RPH3AL: variants seen among roughly 807,000 people sequenced by gnomAD.
RPH3AL encodes rabphilin 3A like (without C2 domains), also known as rab effector Noc2.
Under a neutral mutation model 43.1 loss-of-function variants are expected in RPH3AL, and 38 were observed. The observed-to-expected ratio is 0.88, with a 90% CI of 0.68 to 1.15. The LOEUF (loss-of-function observed/expected upper bound fraction) is 1.15. Among genes scored for constraint, RPH3AL ranks in the 50% most tolerant of loss-of-function variants. RPH3AL has a pLI of 0.00. For missense variants in RPH3AL, 462 were observed against 423.2 expected, an observed-to-expected ratio of 1.09 and a Z score of -0.81; for synonymous variants, 189 against 176.3, an observed-to-expected ratio of 1.07 and a Z score of -0.57.
intron 3 of RPH3AL, among the ~76,000 whole-genome samples, chr17:324,690 T>G (rs12936230): frequency 0.33 from 49,584 of 149,676 alleles, 9,182 homozygotes; most frequent in Non-Finnish European, 0.44. Context: ...TTTCTATCTA[T>G]CTAGCTAGCT....
chr17:227,931 G>C (rs79751182), intron 7 of RPH3AL, among the ~76,000 whole-genome samples: 5 of 152,222 alleles, frequency 3.3e-5, no homozygotes, highest in Admixed American at 3.3e-4. Flanking sequence ...TGGGAGTGTA[G>C]ACACTCCCAA....
intron 1 of RPH3AL, among the ~76,000 whole-genome samples, chr17:336,492 G>A (rs1180123812): frequency 6.6e-6 from 1 of 152,132 alleles, no homozygotes; most frequent in Admixed American, 6.5e-5. Flanking sequence ...AGGTCTGCCT[G>A]CTCGGGGCGG....
intron 6 of RPH3AL, among the ~76,000 whole-genome samples, chr17:249,171 G>T (rs562913219): frequency 6.6e-6 from 1 of 152,182 alleles, no homozygotes; most frequent in Admixed American, 6.5e-5. Context: ...ATAAATTCAG[G>T]GTATTTAGTC....
chr17:346,270 A>G lies in RPH3AL; in HGVS notation c.-213+6442T>C, dbSNP rs1458957363. 3.0e-5 allele frequency among the ~76,000 whole-genome samples: 4 copies of G among 134,806 alleles called. 1 individual carries two copies. The highest frequency in any genetic ancestry group is 5.1e-5 in the Non-Finnish European group (3 of 59,268). 88.4% of individuals were successfully genotyped at this position (134,806 alleles called of 152,430 possible). ...ATAGTACTCTTTGCTAGACAGAACTATGTGTGTTTGGGGCCTTTTCCCGTC... is the reference window on the plus strand; with the variant it reads ...ATAGTACTCTTTGCTAGACAGAACTGTGTGTGTTTGGGGCCTTTTCCCGTC... On this transcript the variant is annotated intron_variant, in intron 1 of 9. Transcript: ENST00000331302.
intron 5 of RPH3AL, among the ~76,000 whole-genome samples, chr17:315,405 C>G (rs1225712261): frequency 3.9e-4 from 57 of 147,316 alleles, no homozygotes; most frequent in African/African-American, 1.3e-3. Flanking sequence ...CCTGTAGTCC[C>G]TGTGCCCCCA....
chr17:348,022 T>C (rs2045274747), intron 1 of RPH3AL, among the ~76,000 whole-genome samples: 2 of 146,288 alleles, frequency 1.4e-5, no homozygotes, highest in Non-Finnish European at 3.0e-5. Context: ...AAAAATTAAA[T>C]TAATTAAAAG....
chr17:276,484 C>T (rs548817267), intron 6 of RPH3AL, among the ~76,000 whole-genome samples: 14 of 152,218 alleles, frequency 9.2e-5, no homozygotes, highest in Admixed American at 2.0e-4. Flanking sequence ...CTCCACCCCC[C>T]GGGCAGAAGT....
rs949837820 is a variant in RPH3AL, at chr17:333,085, A to G, written c.-37+674T>C. The G allele has an allele frequency of 3.7e-5, 48 of 1,287,626 alleles. No individual in the cohort carries two copies. The African/African-American group carries it at 6.2e-4, about 17-fold the overall frequency. The allele number at this position is 1,287,626 out of a possible 1,614,324, so 79.8% of individuals were successfully genotyped here. ...ATGCAATTCTCTCTCTAAAGTCGAG[A>G]GCTCACCACCCCGGGCGTTCGTCAC... On this transcript the variant is annotated intron_variant, in intron 2 of 9. Transcript: ENST00000331302. This position sits in a 1 kb window ranked among gnomAD's most constrained non-coding sequence, Gnocchi z 4.5.
In RPH3AL at chr17:298,202, G is replaced by A. The variant is rs1007083666; in HGVS notation, c.352-16348C>T. ...ACCACCCAGCCAAAGTCAGGAGACC[G>A]TCCACGTCCTCCAGCTCTGCCCCCA... On this transcript the variant is annotated intron_variant, in intron 5 of 9. Coordinates refer to ENST00000331302, the MANE Select transcript of RPH3AL (RefSeq NM_006987.4). Among the ~76,000 whole-genome samples the A allele has an allele frequency of 2.6e-4, 39 of 152,268 alleles. 1 individual carries two copies. The highest frequency in any genetic ancestry group is 2.1e-3 in the South Asian group (10 of 4,826).
chr17:339,563 C>T (rs562427011), intron 1 of RPH3AL: 8 of 152,378 alleles, frequency 5.3e-5, no homozygotes, highest in Non-Finnish European at 1.0e-4. Context: ...CCCCAGAGGA[C>T]GACGTGATCA....
At chr17:288,935 C>G (rs72806028) in intron 5 of RPH3AL, among the ~76,000 whole-genome samples, 5,953 of 148,112 alleles carry the variant, frequency 0.04, 334 homozygotes, top group Non-Finnish European at 0.063. Flanking sequence ...TCCCGGCCGT[C>G]AGACCTCGCA....
At chr17:314,526 G>A (rs1464031982) in intron 5 of RPH3AL, among the ~76,000 whole-genome samples, 229 of 121,354 alleles carry the variant, frequency 1.9e-3, no homozygotes, top group African/African-American at 7.4e-3. Flanking sequence ...TGTAGTCCCT[G>A]TGACTCCACC....
chr17:351,017 G>C (rs369966176), intron 1 of RPH3AL, among the ~76,000 whole-genome samples: 2 of 152,222 alleles, frequency 1.3e-5, no homozygotes, highest in East Asian at 3.9e-4. Context: ...GCCCAGCCAG[G>C]AGAAGATGCT....
At chr17:269,371 G>A (rs7504058) in intron 6 of RPH3AL, among the ~76,000 whole-genome samples, 46,646 of 151,910 alleles carry the variant, frequency 0.31, 7,688 homozygotes, top group South Asian at 0.49. Context: ...ATGTTTCATC[G>A]TCTGTTCCCC....
intron 5 of RPH3AL, among the ~76,000 whole-genome samples, chr17:285,697 C>A (rs2042890125): frequency 1.3e-5 from 2 of 152,198 alleles, no homozygotes; most frequent in African/African-American, 4.8e-5. Context: ...CAGAGAAATA[C>A]ATTTTCATCC....
chr17:258,755 CCGTT>C (rs1453989213), intron 6 of RPH3AL, among the ~76,000 whole-genome samples: 9 of 127,424 alleles, frequency 7.1e-5, no homozygotes, highest in Admixed American at 1.6e-4. Flanking sequence ...GATAGTCAAC[CCGTT>C]TTTTTTTTTT....
intron 1 of RPH3AL, among the ~76,000 whole-genome samples, chr17:340,158 G>A (rs1273281000): frequency 6.6e-6 from 1 of 151,868 alleles, no homozygotes; most frequent in African/African-American, 2.4e-5. Context: ...AGGCTCCCCA[G>A]CTCAGACCCG....
intron 6 of RPH3AL, among the ~76,000 whole-genome samples, chr17:275,161 C>T (rs1259683388): frequency 1.3e-5 from 2 of 151,302 alleles, no homozygotes; most frequent in African/African-American, 4.9e-5. Context: ...GGCCTAAAAT[C>T]TGCAGAAACT....
Position 247,169 on chromosome 17 carries a change from T to C in RPH3AL, c.555A>G (p.Ala185=). 6.2e-7 allele frequency: 1 copy of C among 1,614,130 alleles called. No individual in the cohort carries two copies. The highest frequency in any genetic ancestry group is 1.7e-5 in the Admixed American group (1 of 60,022). Residue 185 remains alanine, a synonymous_variant, in exon 7 of 10, where the codon GCA becomes GCG. Coordinates refer to ENST00000331302, the MANE Select transcript of RPH3AL (RefSeq NM_006987.4). The part of the protein sequence containing the change: ...PHFRPLPTEP[A]EREPRSSETS... ...TCTCAGAGCTTCTGGGCTCTCGCTCTGCCGGTTCCGTGGGCAAAGGTCGGA... is the reference window on the plus strand; with the variant it reads ...TCTCAGAGCTTCTGGGCTCTCGCTCCGCCGGTTCCGTGGGCAAAGGTCGGA...
Sources: gnomAD v4.1 joint callset for allele counts (sites outside exome capture counted in the v4.1 genomes callset) on GRCh38, gnomAD v4.1.1 for gene constraint, Gnocchi (gnomAD v3.1) non-coding constraint, MANE v1.5 for transcripts, NCBI Gene and HGNC (gene_info 2026-07-23, HGNC 2026-07-21) for gene names.